Variants in FRAS1 observed in about 807,000 individuals in gnomAD.
The protein encoded by FRAS1 is extracellular matrix organizing protein FRAS1.
In FRAS1, 290 loss-of-function variants were observed where a neutral mutation model predicts 435.2. The ratio of observed to expected loss-of-function variants is 0.67; its 90% confidence interval spans 0.61 to 0.73. FRAS1 has a LOEUF of 0.73. Among genes scored for constraint, FRAS1 ranks in the 30% least tolerant of loss-of-function variants. FRAS1 has a pLI of 0.00. For missense variants in FRAS1, 4,860 were observed against 5,001.5 expected, an observed-to-expected ratio of 0.97 and a Z score of 0.85; for synonymous variants, 1,800 against 1,851.0, an observed-to-expected ratio of 0.97 and a Z score of 0.71.
chr4:78,528,818 T>G (rs74927523), intron 70 of FRAS1, among the ~76,000 whole-genome samples: 225 of 152,268 alleles, frequency 1.5e-3, no homozygotes, highest in African/African-American at 5.3e-3. Context: ...TGTTTAACTT[T>G]TTAAGAAACT....
intron 1 of FRAS1, among the ~76,000 whole-genome samples, chr4:78,065,081 T>TATACACACACAC (rs1553915420): frequency 6.9e-4 from 86 of 125,362 alleles, no homozygotes; most frequent in East Asian, 9.1e-4. Context: ...TATATATATA[T>TATACACACACAC]ATACATACAC....
chr4:78,447,440 C>T (rs773114679), intron 43 of FRAS1, among the ~76,000 whole-genome samples: 5 of 151,594 alleles, frequency 3.3e-5, no homozygotes, highest in Non-Finnish European at 5.9e-5. Flanking sequence ...CATCGTAATG[C>T]TCATTGGTCT....
At chr4:78,196,029 A>T (rs1272514514) in intron 2 of FRAS1, among the ~76,000 whole-genome samples, 1 of 149,530 alleles carries the variant, frequency 6.7e-6, no homozygotes, top group Non-Finnish European at 1.5e-5. Context: ...TTTGTTTGAG[A>T]TGGAGTCTTG....
chr4:78,105,034 G>T (rs1311306383), intron 2 of FRAS1, among the ~76,000 whole-genome samples: 2 of 152,056 alleles, frequency 1.3e-5, no homozygotes, highest in Admixed American at 1.3e-4. Flanking sequence ...TTCCTTTCCA[G>T]GGTTTTCCTT....
chr4:78,182,879 C>CAAAAAAAAA (rs1420628017), intron 2 of FRAS1, among the ~76,000 whole-genome samples: 2 of 27,974 alleles, frequency 7.1e-5, no homozygotes, highest in African/African-American at 2.2e-4. Flanking sequence ...GACCCTGTCT[C>CAAAAAAAAA]AAAAAAAAGA....
chr4:78,426,627 C>G (rs1734007230), intron 35 of FRAS1, among the ~76,000 whole-genome samples: 2 of 152,170 alleles, frequency 1.3e-5, no homozygotes, highest in Admixed American at 1.3e-4. Flanking sequence ...TTCCTGGGAC[C>G]TGACTGACTT....
At chr4:78,194,724 C>A (rs1722719971) in intron 2 of FRAS1, among the ~76,000 whole-genome samples, 1 of 152,118 alleles carries the variant, frequency 6.6e-6, no homozygotes. Context: ...CAAACTTCCT[C>A]CTTTAGCTCG....
chr4:78,278,556 T>C, intron 9 of FRAS1, 99 bp from the exon 10 acceptor site: 1 of 706,748 alleles, frequency 1.4e-6, no homozygotes. Flanking sequence ...TGTGCCAGCG[T>C]TTCTTATTCC....
At chr4:78,303,077 G>A (rs1462738237) in intron 14 of FRAS1, among the ~76,000 whole-genome samples, 7 of 152,032 alleles carry the variant, frequency 4.6e-5, no homozygotes, top group Admixed American at 4.6e-4. Context: ...TCTACATATG[G>A]CTAGCCAGTT....
Position 78,387,537 on chromosome 4 carries a change from T to A in FRAS1, c.3811T>A (p.Ser1271Thr), listed in dbSNP as rs768275665. 10 of 1,613,674 alleles carry A rather than the reference T, an allele frequency of 6.2e-6. No homozygotes were observed. Among genetic ancestry groups the A allele is most frequent in the East Asian group, 2.2e-5 (1 of 44,874 alleles). Reference protein sequence around the residue: ...LHGQLLQTLQSPATPIYQFQL... With the variant: ...LHGQLLQTLQTPATPIYQFQL... ...TGGCCAATTGCTTCAGACACTTCAG[T>A]CCCCGGCAACCCCTATCTATCAATT... Residue 1271 changes from serine to threonine, a missense_variant, in exon 29 of 74, where the codon TCC (serine) becomes ACC (threonine). By Grantham distance (58) the Ser-to-Thr change is moderately conservative. Transcript: ENST00000512123.
chr4:78,124,538 A>G (rs940759026), intron 2 of FRAS1, among the ~76,000 whole-genome samples: 5 of 152,216 alleles, frequency 3.3e-5, no homozygotes, highest in Non-Finnish European at 5.9e-5. Context: ...GAATAGTTTC[A>G]GAAGGAATGG....
intron 2 of FRAS1, chr4:78,072,230 GTATA>G (rs576086473): frequency 9.9e-5 from 15 of 152,116 alleles, no homozygotes; most frequent in Non-Finnish European, 1.8e-4. Flanking sequence ...TGTAGACCTT[GTATA>G]TTAGGGCTAA....
chr4:78,186,028 C>T (rs1722253744), intron 2 of FRAS1, among the ~76,000 whole-genome samples: 1 of 152,122 alleles, frequency 6.6e-6, no homozygotes, highest in South Asian at 2.1e-4. Context: ...CCACAGTTGT[C>T]ATGGGAAAAG....
chr4:78,075,147 TTA>T (rs1188810766), intron 2 of FRAS1, among the ~76,000 whole-genome samples: 1 of 152,010 alleles, frequency 6.6e-6, no homozygotes, highest in Non-Finnish European at 1.5e-5. Context: ...AGGCCTGGAG[TTA>T]TGTGTTGATA....
chr4:78,511,475 C>T lies in FRAS1; in HGVS notation c.9982C>T (p.Leu3328=), dbSNP rs963192511. Reference sequence around the variant, plus strand: ...GTCCTTCATCGCAACCTTGAAATACCTGGATGTCAAACATAAGGAGCATCC... The same window carrying T: ...GTCCTTCATCGCAACCTTGAAATACTTGGATGTCAAACATAAGGAGCATCC... ...AQSFIATLKY[L]DVKHKEHPNR... The change falls in exon 64 of 74, where the codon CTG becomes TTG. Residue 3328 remains leucine (L), a synonymous_variant. Coordinates refer to ENST00000512123, the MANE Select transcript of FRAS1 (RefSeq NM_025074.7). 1.2e-6 allele frequency: 2 copies of T among 1,613,806 alleles called. No homozygotes were observed. Among genetic ancestry groups the T allele is most frequent in the Non-Finnish European group, 1.7e-6 (2 of 1,179,788 alleles).
In FRAS1 at chr4:78,450,196, T is replaced by C. The variant is rs540715521; in HGVS notation, c.6320T>C (p.Ile2107Thr). The C allele has an allele frequency of 1.7e-5, 27 of 1,613,838 alleles. No homozygotes were observed. The highest frequency in any genetic ancestry group is 1.3e-4 in the East Asian group (6 of 44,888). Residue 2107 changes from isoleucine to threonine, a missense_variant, in exon 45 of 74, where the codon ATT becomes ACT. Ile to Thr is a moderately conservative substitution (Grantham distance 89, BLOSUM62 -1). Coordinates refer to ENST00000512123, the MANE Select transcript of FRAS1 (RefSeq NM_025074.7). ...GAACAGCACTTGAAAGTGACAGATA[T>C]TGACTCAGATGACCATCAGGTTATG... The part of the protein sequence containing the change: ...ITEQHLKVTD[I>T]DSDDHQVMYI...
intron 66 of FRAS1, among the ~76,000 whole-genome samples, chr4:78,517,967 A>G (rs7675424): frequency 0.47 from 70,855 of 151,440 alleles, 16,672 homozygotes; most frequent in South Asian, 0.57. Context: ...GAACAAAAAG[A>G]GGGGCTGGGA....
At chr4:78,284,274 T>A (rs1307661291) in intron 12 of FRAS1, 131 bp from the exon 13 acceptor site, 10 of 558,270 alleles carry the variant, frequency 1.8e-5, no homozygotes, top group East Asian at 9.2e-5. Flanking sequence ...GGCTTTTTCC[T>A]AAGTCCCACA....
At chr4:78,086,695 G>A (rs1044810392) in intron 2 of FRAS1, among the ~76,000 whole-genome samples, 3 of 151,676 alleles carry the variant, frequency 2.0e-5, no homozygotes, top group African/African-American at 7.3e-5. Flanking sequence ...ATAAATTCCT[G>A]GACACATACA....
Sources: allele counts gnomAD v4.1 joint callset (sites outside exome capture counted in the v4.1 genomes callset), GRCh38; gene constraint gnomAD v4.1.1; transcripts MANE v1.5; gene names NCBI Gene and HGNC (gene_info 2026-07-23, HGNC 2026-07-21).